The following NCOA2 variants were observed in gnomAD, a reference collection of about 807,000 sequenced individuals.
NCOA2 encodes the protein nuclear receptor coactivator 2.
Under a neutral mutation model 145.1 loss-of-function variants are expected in NCOA2, and 21 were observed. That is an observed-to-expected ratio of 0.14 (90% CI 0.10 to 0.21). The LOEUF (loss-of-function observed/expected upper bound fraction) is 0.21, where lower values mean the gene tolerates loss of function less well. Among genes scored for constraint, NCOA2 ranks in the 10% least tolerant of loss-of-function variants. The probability of loss-of-function intolerance (pLI) is 1.00; values close to 1 mark genes in which losing one functional copy is unlikely to be tolerated. For missense variants in NCOA2, 1,472 were observed against 1,837.6 expected (o/e 0.80, Z 3.64); for synonymous variants, 619 against 637.5 (o/e 0.97, Z 0.44).
Position 70,247,615 on chromosome 8 carries a change from C to T in NCOA2, c.-19-30851G>A, listed in dbSNP as rs77446753. Among the ~76,000 whole-genome samples, 415 of 152,294 alleles carry T rather than the reference C, an allele frequency of 2.7e-3. 2 individuals are homozygous for T. The highest frequency in any genetic ancestry group is 7.4e-3 in the African/African-American group (309 of 41,572). ...AACTGCAGGGGGTGGTTTGTGAAAT[C>T]CGTCTACCCAAATGTGTTCTTTTTC... On this transcript the variant is annotated intron_variant, in intron 2 of 22. Coordinates refer to ENST00000452400, the MANE Select transcript of NCOA2 (RefSeq NM_006540.4).
intron 1 of NCOA2, among the ~76,000 whole-genome samples, chr8:70,336,211 T>C (rs1028791733): frequency 6.6e-6 from 1 of 152,138 alleles, no homozygotes; most frequent in Non-Finnish European, 1.5e-5. Flanking sequence ...GGCTAAGACA[T>C]ACTGATGGCT....
intron 1 of NCOA2, among the ~76,000 whole-genome samples, chr8:70,383,475 G>A (rs1298917469): frequency 6.6e-6 from 1 of 151,510 alleles, no homozygotes; most frequent in African/African-American, 2.4e-5. Context: ...TACAGAAGAG[G>A]GACACTAAAA....
intron 1 of NCOA2, among the ~76,000 whole-genome samples, chr8:70,326,925 A>G (rs2136238983): frequency 6.6e-6 from 1 of 152,322 alleles, no homozygotes; most frequent in South Asian, 2.1e-4. Context: ...TGTGGTTCTA[A>G]TACATAACTT....
At chr8:70,340,657 C>T (rs1808047203) in intron 1 of NCOA2, among the ~76,000 whole-genome samples, 1 of 152,110 alleles carries the variant, frequency 6.6e-6, no homozygotes. Context: ...ATGTTCACTG[C>T]AGCACTATTC....
chr8:70,452,074 A>C, the NCOA2 span, among the ~76,000 whole-genome samples: 1 of 152,146 alleles, frequency 6.6e-6, no homozygotes, highest in Admixed American at 6.5e-5. Context: ...TCCCAGGCTC[A>C]GGTGATCCTC....
rs887582749 is a variant in NCOA2 at position 70,112,489 on chromosome 8, C to T, written c.*1143G>A. 2 of 202,650 alleles carry T rather than the reference C, an allele frequency of 9.9e-6. No homozygotes were observed. Among genetic ancestry groups the T allele is most frequent in the Admixed American group, 6.0e-5 (1 of 16,708 alleles). The allele number at this position is 202,650 out of a possible 1,614,324, so 12.6% of individuals were successfully genotyped here. A position where few individuals can be genotyped will look rare whatever the true frequency, so the allele number is the denominator to read the frequency against. On this transcript the variant is annotated 3_prime_UTR_variant, in exon 23 of 23. Transcript: ENST00000452400. ...AACACATGGCAGAGGTTAAATCTGT[C>T]GTGATATCTGCTATCAATTTAAACA...
intron 1 of NCOA2, among the ~76,000 whole-genome samples, chr8:70,399,848 CACAA>C (rs1463456619): frequency 6.6e-6 from 1 of 152,164 alleles, no homozygotes. Flanking sequence ...CTCAATACAA[CACAA>C]ACAATTTTTC....
At chr8:70,310,400 C>G (rs1828228878) in intron 1 of NCOA2, among the ~76,000 whole-genome samples, 1 of 150,048 alleles carries the variant, frequency 6.7e-6, no homozygotes, top group Non-Finnish European at 1.5e-5. Context: ...TTGAGTTCCT[C>G]TATGAGAAGG....
chr8:70,447,281 C>T, the NCOA2 span, among the ~76,000 whole-genome samples: 1 of 152,118 alleles, frequency 6.6e-6, no homozygotes, highest in Admixed American at 6.5e-5. Context: ...CCCTCAGTCG[C>T]ATCAGAGCAC....
Position 70,127,039 on chromosome 8 carries a change from A to G in NCOA2, c.3690T>C (p.Ile1230=). The part of the protein sequence containing the change: ...LRPGVPTQAP[I]NAQMLAQRQR... ...GTCTCTGGGCCAGCATCTGTGCATT[A>G]ATAGGTGCCTGAAATCCGGGGCAAC... Residue 1230 remains isoleucine, a synonymous_variant, in exon 19 of 23, where the codon ATT becomes ATC. Transcript: ENST00000452400. 6.2e-7 allele frequency: 1 copy of G among 1,608,640 alleles called. No homozygotes were observed. Among genetic ancestry groups the G allele is most frequent in the Non-Finnish European group, 8.5e-7 (1 of 1,177,034 alleles).
At chr8:70,186,415 C>T (rs1297424816) in intron 4 of NCOA2, among the ~76,000 whole-genome samples, 1 of 152,168 alleles carries the variant, frequency 6.6e-6, no homozygotes, top group Non-Finnish European at 1.5e-5. Flanking sequence ...GGTCCCAGTC[C>T]TTATGAACTC....
At chr8:70,329,706 T>G (rs1484226260) in intron 1 of NCOA2, among the ~76,000 whole-genome samples, 1 of 152,194 alleles carries the variant, frequency 6.6e-6, no homozygotes, top group Non-Finnish European at 1.5e-5. Flanking sequence ...TATTAATATA[T>G]TCATATAATG....
At chr8:70,281,472 G>A (rs1310744685) in intron 2 of NCOA2, among the ~76,000 whole-genome samples, 1 of 151,900 alleles carries the variant, frequency 6.6e-6, no homozygotes, top group Non-Finnish European at 1.5e-5. Context: ...TAAGCAGCTG[G>A]TGATACAGAA....
chr8:70,400,633 G>A (rs922145684), intron 1 of NCOA2, among the ~76,000 whole-genome samples: 3 of 152,116 alleles, frequency 2.0e-5, no homozygotes, highest in African/African-American at 7.2e-5. Flanking sequence ...GTCAGTCTAA[G>A]TGTTTGGTTT....
chr8:70,119,667 T>TC (rs1411284812), intron 22 of NCOA2, among the ~76,000 whole-genome samples: 1 of 152,218 alleles, frequency 6.6e-6, no homozygotes, highest in African/African-American at 2.4e-5. Context: ...TCCAACAGTG[T>TC]ATGAGAGTTC....
rs948560155 is a variant in NCOA2, at chr8:70,156,583, T to G, written c.1782A>C (p.Glu594Asp). Residue 594 changes from glutamate (E) to aspartate (D), a missense_variant, in exon 11 of 23, where the codon GAA becomes GAC. Physicochemically the swap from Glu to Asp is conservative, Grantham distance 45. Transcript: ENST00000452400. ...DCFGLYGEPS[E>D]GTTGQAESSC... ...TGCTCTCTGCTTGTCCAGTTGTACC[T>G]TCAGAGGGCTCCCCATATAGTCCAA... 4 of 1,613,942 alleles carry G rather than the reference T, an allele frequency of 2.5e-6. No individual in the cohort carries two copies. Among genetic ancestry groups the G allele is most frequent in the Non-Finnish European group, 3.4e-6 (4 of 1,179,882 alleles).
intron 1 of NCOA2, among the ~76,000 whole-genome samples, chr8:70,361,469 T>C (rs1360907715): frequency 6.7e-6 from 1 of 149,122 alleles, no homozygotes; most frequent in Non-Finnish European, 1.5e-5. Context: ...AAACTCCGTC[T>C]CAAAAAAGAA....
chr8:70,159,244 T>TATATATATATATATATATATA, intron 10 of NCOA2, among the ~76,000 whole-genome samples: 138 of 69,230 alleles, frequency 2.0e-3, no homozygotes, highest in Non-Finnish European at 3.1e-3. Flanking sequence ...ATATATATAT[T>TATATATATATATATATATATA]TTTTTTTTTT....
At chr8:70,448,334 CTG>C in the NCOA2 span, among the ~76,000 whole-genome samples, 1 of 152,150 alleles carries the variant, frequency 6.6e-6, no homozygotes, top group African/African-American at 2.4e-5. Flanking sequence ...ATGCCTTTCT[CTG>C]TAGCATGGCC....
Sources: allele counts gnomAD v4.1 joint callset (sites outside exome capture counted in the v4.1 genomes callset), GRCh38; gene constraint gnomAD v4.1.1; transcripts MANE v1.5; gene names NCBI Gene and HGNC (gene_info 2026-07-23, HGNC 2026-07-21).